Variants in MYOF observed in about 807,000 individuals in gnomAD.
MYOF encodes myoferlin, also known as fer-1-like 3, myoferlin.
A neutral mutation model predicts 284.2 loss-of-function variants in MYOF; 244 were observed. That is an observed-to-expected ratio of 0.86 (90% confidence interval 0.77 to 0.95). The LOEUF is 0.95. Among genes scored for constraint, MYOF ranks in the 40% least tolerant of loss-of-function variants. The probability of loss-of-function intolerance (pLI) is 0.00; values close to 1 mark genes in which losing one functional copy is unlikely to be tolerated. For missense variants in MYOF, 2,496 were observed against 2,560.6 expected (o/e 0.97, Z 0.54); for synonymous variants, 904 against 919.7 (o/e 0.98, Z 0.31).
intron 28 of MYOF, among the ~76,000 whole-genome samples, chr10:93,360,301 T>C (rs1845007192): frequency 6.6e-6 from 1 of 152,238 alleles, no homozygotes; most frequent in Non-Finnish European, 1.5e-5. Flanking sequence ...GTGTGGACTG[T>C]GCGGTTGCAC....
At chr10:93,399,337 C>T in intron 13 of MYOF, 55 bp downstream of exon 13, 1 of 1,342,310 alleles carries the variant, frequency 7.4e-7, no homozygotes, top group African/African-American at 1.5e-5. Flanking sequence ...AAGGAAAGCA[C>T]AGTAGTTTTA....
rs199684405 is a variant in MYOF at position 93,359,822 on chromosome 10, G to C, written c.3120+11C>G. 6.2e-6 allele frequency: 10 copies of C among 1,613,876 alleles called. No individual in the cohort carries two copies. Among genetic ancestry groups the C allele is most frequent in the Non-Finnish European group, 8.5e-6 (10 of 1,179,976 alleles). ...CTCCCCAGTCCAGCTCCCTTCCCTT[G>C]CTTCTCTTACCCTTGCGGTGCTTGA... On this transcript the variant is annotated intron_variant, in intron 29 of 53. Transcript: ENST00000359263.
chr10:93,420,046 T>A (rs1262650348), intron 5 of MYOF, among the ~76,000 whole-genome samples: 2 of 152,048 alleles, frequency 1.3e-5, no homozygotes, highest in African/African-American at 4.8e-5. Context: ...GGCAGGAGAA[T>A]CCCTTGAACC....
intron 17 of MYOF, among the ~76,000 whole-genome samples, chr10:93,391,647 A>C (rs1846685213): frequency 6.6e-6 from 1 of 152,142 alleles, no homozygotes; most frequent in South Asian, 2.1e-4. Context: ...CTCATAAGCT[A>C]AATCTCTTCC....
rs968657558 is a variant in MYOF at position 93,406,528 on chromosome 10, C to T, written c.729+2259G>A. 6.6e-5 allele frequency among the ~76,000 whole-genome samples: 9 copies of T among 136,626 alleles called. No individual in the cohort carries two copies. In the East Asian group the frequency reaches 1.2e-3, roughly 18 times the overall value. 89.6% of individuals were successfully genotyped at this position (136,626 alleles called of 152,430 possible). A position where few individuals can be genotyped will look rare whatever the true frequency, so the allele number is the denominator to read the frequency against. On this transcript the variant is annotated intron_variant, in intron 7 of 53. Coordinates refer to ENST00000359263, the MANE Select transcript of MYOF (RefSeq NM_013451.4). ...ATTATCAATGCATAGACAGGGTTTACGCGTTAGGCCCAAGTAATCCAGCAT... is the reference window on the plus strand; with the variant it reads ...ATTATCAATGCATAGACAGGGTTTATGCGTTAGGCCCAAGTAATCCAGCAT...
chr10:93,392,890 C>T (rs747413349), intron 17 of MYOF, 27 bp downstream of exon 17: 109 of 1,598,796 alleles, frequency 6.8e-5, no homozygotes, highest in African/African-American at 9.4e-5. Context: ...GAAGATATAA[C>T]AGAGAGCAAA....
At chr10:93,370,561 C>T (rs1404000797) in intron 24 of MYOF, among the ~76,000 whole-genome samples, 1 of 151,992 alleles carries the variant, frequency 6.6e-6, no homozygotes, top group Admixed American at 6.6e-5. Context: ...ACGACCCACC[C>T]ACCTCAGCCT....
chr10:93,408,778 C>T lies in MYOF; in HGVS notation c.729+9G>A. On this transcript the variant is annotated intron_variant, in intron 7 of 53. Transcript: ENST00000359263. ...CATGAGCAGAAACATGCCCTCTCAACCCCTTTACCTCATCAAAAAAAGGGT... is the reference window on the plus strand; with the variant it reads ...CATGAGCAGAAACATGCCCTCTCAATCCCTTTACCTCATCAAAAAAAGGGT... The T allele has an allele frequency of 2.5e-6, 4 of 1,614,090 alleles. No homozygotes were observed. The highest frequency in any genetic ancestry group is 1.7e-6 in the Non-Finnish European group (2 of 1,180,000).
At position 93,387,848 on chromosome 10, in the gene MYOF, TG is replaced by T. The variant is rs747861394; in HGVS notation, c.1646del (p.Pro549HisfsTer95). 18 of 1,613,894 alleles carry T rather than the reference TG, an allele frequency of 1.1e-5. No homozygotes were observed. ...VELATFLEKT[P>X]PDKKLEPISN... ...AAATGGGCTCAAGCTTTTTATCTGGTGGTGTCTTCTCAAGAAAAGTGGCTAA... is the reference window on the plus strand; with the variant it reads ...AAATGGGCTCAAGCTTTTTATCTGGTGTGTCTTCTCAAGAAAAGTGGCTAA... On this transcript the variant is annotated frameshift_variant, in exon 19 of 54. Coordinates refer to ENST00000359263, the MANE Select transcript of MYOF (RefSeq NM_013451.4). LOFTEE classifies it high-confidence loss of function.
chr10:93,411,328 G>C (rs1210687654), intron 5 of MYOF, among the ~76,000 whole-genome samples: 1 of 152,202 alleles, frequency 6.6e-6, no homozygotes, highest in Non-Finnish European at 1.5e-5. Context: ...TTTGCAGTTG[G>C]AGCCTTCTCT....
At chr10:93,460,561 C>T (rs1049365873) in intron 1 of MYOF, among the ~76,000 whole-genome samples, 21 of 130,356 alleles carry the variant, frequency 1.6e-4, no homozygotes, top group Non-Finnish European at 9.7e-5. Context: ...CTCAGGAGTT[C>T]GAGACCAGCC....
intron 19 of MYOF, among the ~76,000 whole-genome samples, chr10:93,383,457 T>C (rs1292661579): frequency 1.3e-5 from 2 of 152,096 alleles, no homozygotes; most frequent in Non-Finnish European, 2.9e-5. Context: ...GACGGGAGCA[T>C]TGTGAGTCTA....
intron 1 of MYOF, among the ~76,000 whole-genome samples, chr10:93,479,701 T>C (rs1371132858): frequency 6.6e-6 from 1 of 152,176 alleles, no homozygotes; most frequent in Non-Finnish European, 1.5e-5. Context: ...AAATCAGATA[T>C]TGAGTTAATG....
rs1844493979 is a variant in MYOF, at chr10:93,351,266, AG to A, written c.3851del (p.Pro1284LeufsTer26). On this transcript the variant is annotated frameshift_variant, in exon 35 of 54. Coordinates refer to ENST00000359263, the MANE Select transcript of MYOF (RefSeq NM_013451.4). LOFTEE classifies it high-confidence loss of function. ...KDGSNLPILP[P>X]QRAPNLYMVP... ...CCATGTATAGATTTGGCGCCCTTTGAGGGGGAAGAATGGGAAGGTTGGAGCC... is the reference window on the plus strand; with the variant it reads ...CCATGTATAGATTTGGCGCCCTTTGAGGGGAAGAATGGGAAGGTTGGAGCC... 1 of 1,613,528 alleles carries A rather than the reference AG, an allele frequency of 6.2e-7. No individual in the cohort carries two copies. The highest frequency in any genetic ancestry group is 1.7e-5 in the Admixed American group (1 of 59,910).
At chr10:93,388,911 G>T in intron 18 of MYOF, 119 bp downstream of exon 18, 1 of 1,307,588 alleles carries the variant, frequency 7.6e-7, no homozygotes, top group Non-Finnish European at 1.0e-6. Flanking sequence ...TCCTATCTTT[G>T]CATTCTAAGT....
chr10:93,361,766 A>G (rs1412486289), intron 27 of MYOF, among the ~76,000 whole-genome samples: 5 of 152,220 alleles, frequency 3.3e-5, no homozygotes, highest in African/African-American at 1.2e-4. Context: ...TTTTGTTTTT[A>G]CTATTAGGGA....
At chr10:93,470,650 C>A (rs1285195850) in intron 1 of MYOF, among the ~76,000 whole-genome samples, 1 of 152,184 alleles carries the variant, frequency 6.6e-6, no homozygotes, top group Admixed American at 6.5e-5. Context: ...GATCTGCTCA[C>A]CTCGGCCTCC....
chr10:93,446,820 G>A (rs532980535), intron 3 of MYOF, among the ~76,000 whole-genome samples: 1 of 151,726 alleles, frequency 6.6e-6, no homozygotes, highest in Non-Finnish European at 1.5e-5. Context: ...TCCCAGGTTC[G>A]AGTGATTCTT....
At chr10:93,392,896 G>C (rs772872630) in intron 17 of MYOF, 21 bp downstream of exon 17, 2 of 1,602,818 alleles carry the variant, frequency 1.2e-6, no homozygotes, top group Non-Finnish European at 1.7e-6. Flanking sequence ...ATAACAGAGA[G>C]CAAAATTACG....
Sources: gnomAD v4.1 joint callset for allele counts (sites outside exome capture counted in the v4.1 genomes callset) on GRCh38, gnomAD v4.1.1 for gene constraint, MANE v1.5 for transcripts, NCBI Gene and HGNC (gene_info 2026-07-23, HGNC 2026-07-21) for gene names.